TRAFD1: variants seen among roughly 807,000 people sequenced by gnomAD.
The protein encoded by TRAFD1 is TRAF-type zinc finger domain-containing protein 1.
TRAFD1 carries 38 observed loss-of-function variants against 65.3 expected under a neutral mutation model. The ratio of observed to expected loss-of-function variants is 0.58; its 90% CI spans 0.45 to 0.76. TRAFD1 has a LOEUF of 0.76. TRAFD1 is among the 30% of genes least tolerant of loss of function. The pLI, the probability that TRAFD1 is intolerant of heterozygous loss-of-function variation, is 0.00. For synonymous variants in TRAFD1, 223 were observed against 257.2 expected (o/e 0.87, Z 1.27); for missense variants, 631 against 712.6 (o/e 0.89, Z 1.30).
At chr12:112,139,831 G>A (rs1046634672) in intron 4 of TRAFD1, among the ~76,000 whole-genome samples, 2 of 151,902 alleles carry the variant, frequency 1.3e-5, no homozygotes, top group African/African-American at 2.4e-5. Flanking sequence ...AAACCCCTTC[G>A]GTGCTAAAAA....
Position 112,152,357 on chromosome 12 carries a change from G to C in TRAFD1, c.1620-70G>C, listed in dbSNP as rs181381927. On this transcript the variant is annotated intron_variant, in intron 10 of 11. Transcript: ENST00000412615. This position sits in a 1 kb window ranked among gnomAD's most constrained non-coding sequence, Gnocchi z 5.0. The stretch of plus-strand genomic sequence containing the variant: ...GTCTGCTAGCATAGGACTGCTTCCT[G>C]TTCCCTCTGAGTTTGTTGACCTTTG... 1.2e-5 allele frequency: 19 copies of C among 1,588,018 alleles called. No homozygotes were observed. The highest frequency in any genetic ancestry group is 6.7e-5 in the African/African-American group (5 of 74,712).
intron 9 of TRAFD1, among the ~76,000 whole-genome samples, chr12:112,150,123 A>G (rs2030361512): frequency 6.6e-6 from 1 of 152,190 alleles, no homozygotes; most frequent in African/African-American, 2.4e-5. Flanking sequence ...AGTGCTTGTA[A>G]TAAGTTTCTG....
chr12:112,145,781 C>T, intron 7 of TRAFD1, 119 bp downstream of exon 7: 2 of 866,398 alleles, frequency 2.3e-6, no homozygotes, highest in Non-Finnish European at 3.6e-6. Context: ...GTAGGAATAG[C>T]AAGTGTTCTT....
chr12:112,134,198 C>T (rs1480079907), intron 2 of TRAFD1, among the ~76,000 whole-genome samples: 40 of 150,752 alleles, frequency 2.7e-4, no homozygotes, highest in Non-Finnish European at 4.9e-4. Flanking sequence ...TTAGTAGAGA[C>T]GGGGTTTCAC....
chr12:112,151,202 C>T (rs1194286953), intron 9 of TRAFD1, among the ~76,000 whole-genome samples: 4 of 151,874 alleles, frequency 2.6e-5, no homozygotes, highest in Admixed American at 6.5e-5. Context: ...CATGCCATTG[C>T]ACTCCAGTCT....
intron 4 of TRAFD1, among the ~76,000 whole-genome samples, chr12:112,139,311 C>T (rs2030016801): frequency 6.6e-6 from 1 of 151,558 alleles, no homozygotes; most frequent in Non-Finnish European, 1.5e-5. Context: ...GATCGTACCA[C>T]TGCACTCCAG....
chr12:112,132,161 T>A (rs2079568732), intron 2 of TRAFD1, among the ~76,000 whole-genome samples: 1 of 152,204 alleles, frequency 6.6e-6, no homozygotes, highest in African/African-American at 2.4e-5. Flanking sequence ...TTAATTTTCA[T>A]GGCATTTGTA....
At chr12:112,136,716 G>A (rs1285049480) in intron 4 of TRAFD1, among the ~76,000 whole-genome samples, 1 of 152,128 alleles carries the variant, frequency 6.6e-6, no homozygotes, top group Non-Finnish European at 1.5e-5. Context: ...TACCTGCATA[G>A]GTGGTACTAC....
chr12:112,138,637 C>T (rs1215836518), intron 4 of TRAFD1, among the ~76,000 whole-genome samples: 1 of 150,980 alleles, frequency 6.6e-6, no homozygotes, highest in Non-Finnish European at 1.5e-5. Flanking sequence ...GCAGGCAGAT[C>T]ACATGAGGTC....
At chr12:112,147,875 T>C (rs959796756) in intron 7 of TRAFD1, among the ~76,000 whole-genome samples, 199 bp from the exon 8 acceptor site, 1 of 152,124 alleles carries the variant, frequency 6.6e-6, no homozygotes, top group African/African-American at 2.4e-5. Context: ...TTCACTGTCT[T>C]GGCCAGGCTG....
In TRAFD1 at chr12:112,140,728, T is replaced by G. The variant is rs555550739; in HGVS notation, c.238-91T>G. Reference sequence around the variant, plus strand: ...AGAATCAAGGGTTGGAAGAGAAGATTGCAGTAGATACTCTTGGCTTTCCTT... The same window carrying G: ...AGAATCAAGGGTTGGAAGAGAAGATGGCAGTAGATACTCTTGGCTTTCCTT... On this transcript the variant is annotated intron_variant, in intron 4 of 11. Coordinates refer to ENST00000412615, the MANE Select transcript of TRAFD1 (RefSeq NM_006700.3). The G allele has an allele frequency of 2.0e-5, 29 of 1,437,590 alleles. No individual in the cohort carries two copies. In the East Asian group the frequency reaches 6.4e-4, roughly 32 times the overall value. The allele number at this position is 1,437,590 out of a possible 1,614,324, so 89.1% of individuals were successfully genotyped here. A position where few individuals can be genotyped will look rare whatever the true frequency, so the allele number is the denominator to read the frequency against.
chr12:112,142,151 G>A lies in TRAFD1; in HGVS notation c.706G>A (p.Glu236Lys), dbSNP rs1278104724. The change falls in exon 6 of 12, where the codon GAG becomes AAG. Residue 236 changes from glutamate (E) to lysine (K), a missense_variant. Transcript: ENST00000412615. ...ACAGCCCCCCAAAGAGGGTGGTGAAGAGAGTGCAAACTTGGACTTCATGTT... is the reference window on the plus strand; with the variant it reads ...ACAGCCCCCCAAAGAGGGTGGTGAAAAGAGTGCAAACTTGGACTTCATGTT... ...GQQPPKEGGE[E>K]SANLDFMLAL... 6.2e-7 allele frequency: 1 copy of A among 1,613,964 alleles called. No homozygotes were observed. Among genetic ancestry groups the A allele is most frequent in the African/African-American group, 1.3e-5 (1 of 74,990 alleles).
rs1341874621 is a variant in TRAFD1 at position 112,152,343 on chromosome 12, T to C, written c.1620-84T>C. The C allele has an allele frequency of 1.6e-5, 25 of 1,566,490 alleles. No individual in the cohort carries two copies. Among genetic ancestry groups the C allele is most frequent in the Non-Finnish European group, 2.0e-5 (23 of 1,149,774 alleles). On this transcript the variant is annotated intron_variant, in intron 10 of 11. Transcript: ENST00000412615. This position sits in a 1 kb window ranked among gnomAD's most constrained non-coding sequence, Gnocchi z 5.0. ...GTTTTTTGGGGTTTGTCTGCTAGCA[T>C]AGGACTGCTTCCTGTTCCCTCTGAG...
At position 112,151,994 on chromosome 12, in the gene TRAFD1, C is replaced by T. The variant is rs1020905315; in HGVS notation, c.1473C>T (p.Ser491=). 1 of 1,614,236 alleles carries T rather than the reference C, an allele frequency of 6.2e-7. No individual in the cohort carries two copies. Among genetic ancestry groups the T allele is most frequent in the Admixed American group, 1.7e-5 (1 of 60,034 alleles). Reference sequence around the variant, plus strand: ...TGCCGAAGCTCAGCAACTCAGACAGCCAGGACATCCAGGGGCGGAATCGAG... The same window carrying T: ...TGCCGAAGCTCAGCAACTCAGACAGTCAGGACATCCAGGGGCGGAATCGAG... ...PCVPKLSNSD[S]QDIQGRNRDS... The change falls in exon 10 of 12, where the codon AGC becomes AGT. Residue 491 remains serine (S), a synonymous_variant. Coordinates refer to ENST00000412615, the MANE Select transcript of TRAFD1 (RefSeq NM_006700.3).
At chr12:112,148,487 T>C (rs1815976130) in intron 8 of TRAFD1, among the ~76,000 whole-genome samples, 183 bp downstream of exon 8, 1 of 152,254 alleles carries the variant, frequency 6.6e-6, no homozygotes, top group African/African-American at 2.4e-5. Flanking sequence ...GCTTTCAGAC[T>C]TTCCCTCCCT....
At chr12:112,126,535 A>G (rs1364555781) in intron 1 of TRAFD1, among the ~76,000 whole-genome samples, 1 of 152,158 alleles carries the variant, frequency 6.6e-6, no homozygotes, top group East Asian at 1.9e-4. Flanking sequence ...TTGCATCTAG[A>G]AAAGCAAGCA....
Position 112,146,097 on chromosome 12 carries a change from C to T in TRAFD1, c.927+435C>T, listed in dbSNP as rs375525731. 1.4e-4 allele frequency among the ~76,000 whole-genome samples: 21 copies of T among 148,990 alleles called. No homozygotes were observed. The East Asian group carries it at 3.2e-3, about 22-fold the overall frequency. Reference sequence around the variant, plus strand: ...TGACGAGTTAATGGGTGCAGCACACCAGCATGGCACATGTATACATATGTA... The same window carrying T: ...TGACGAGTTAATGGGTGCAGCACACTAGCATGGCACATGTATACATATGTA... On this transcript the variant is annotated intron_variant, in intron 7 of 11. Coordinates refer to ENST00000412615, the MANE Select transcript of TRAFD1 (RefSeq NM_006700.3).
intron 1 of TRAFD1, among the ~76,000 whole-genome samples, chr12:112,128,988 ACCACTGCACT>A (rs1294805672): frequency 1.4e-5 from 2 of 147,092 alleles, no homozygotes; most frequent in Non-Finnish European, 3.0e-5. Context: ...CCGAGATCGC[ACCACTGCACT>A]CCAGCCTAGA....
At chr12:112,131,760 G>C (rs2079567291) in intron 2 of TRAFD1, among the ~76,000 whole-genome samples, 1 of 152,180 alleles carries the variant, frequency 6.6e-6, no homozygotes, top group African/African-American at 2.4e-5. Context: ...TGGTTGGAAT[G>C]TTTGGTAGGA....
Sources: allele counts gnomAD v4.1 joint callset (sites outside exome capture counted in the v4.1 genomes callset), GRCh38; gene constraint gnomAD v4.1.1; non-coding constraint Gnocchi (gnomAD v3.1); transcripts MANE v1.5; gene names NCBI Gene and HGNC (gene_info 2026-07-23, HGNC 2026-07-21).